AMPH: variants seen among roughly 807,000 people sequenced by gnomAD.
AMPH encodes amphiphysin (Stiff-Mann syndrome with breast cancer 128kD autoantigen).
In AMPH, 49 loss-of-function variants were observed where a neutral mutation model predicts 99.1. That is an observed-to-expected ratio of 0.49 (90% CI 0.39 to 0.63). The LOEUF (loss-of-function observed/expected upper bound fraction) is 0.63, where lower values mean the gene tolerates loss of function less well. AMPH is among the 20% of genes least tolerant of loss of function. The pLI is 0.00. For missense variants in AMPH, 759 were observed against 863.4 expected (o/e 0.88, Z 1.52); for synonymous variants, 314 against 317.3 (o/e 0.99, Z 0.11).
intron 1 of AMPH, among the ~76,000 whole-genome samples, chr7:38,536,688 A>G (rs550440652): frequency 6.6e-6 from 1 of 152,260 alleles, no homozygotes; most frequent in Admixed American, 6.5e-5. Flanking sequence ...AATATGAAAT[A>G]TGCTATTTTT....
intron 13 of AMPH, 173 bp from the exon 14 acceptor site, chr7:38,430,038 T>C: frequency 3.5e-6 from 2 of 566,822 alleles, no homozygotes; most frequent in Admixed American, 7.5e-5. Context: ...CCAAAATTGT[T>C]TAAGACCACC....
chr7:38,455,116 G>A (rs58110874), intron 11 of AMPH, among the ~76,000 whole-genome samples: 4,471 of 150,402 alleles, frequency 0.03, 192 homozygotes, highest in African/African-American at 0.1. Context: ...TTTTGCTCTC[G>A]TTGCCCAGGC....
intron 17 of AMPH, among the ~76,000 whole-genome samples, chr7:38,402,637 G>T (rs533791853): frequency 1.3e-5 from 2 of 152,198 alleles, no homozygotes; most frequent in Non-Finnish European, 2.9e-5. Flanking sequence ...TGTGAGAGTA[G>T]CAGCAGGCCC....
intron 11 of AMPH, among the ~76,000 whole-genome samples, chr7:38,441,779 C>CTG (rs58684771): frequency 3.0e-5 from 4 of 135,220 alleles, no homozygotes; most frequent in Non-Finnish European, 6.3e-5. Flanking sequence ...TGATATATAT[C>CTG]ATATATCTGT....
intron 17 of AMPH, among the ~76,000 whole-genome samples, chr7:38,398,197 A>AC (rs1376623405): frequency 7.9e-5 from 10 of 127,378 alleles, no homozygotes; most frequent in African/African-American, 2.4e-4. Context: ...AAAAAAAAAC[A>AC]AAAAAAAAAG....
At chr7:38,587,888 C>T (rs1199736448) in intron 1 of AMPH, among the ~76,000 whole-genome samples, 2 of 151,182 alleles carry the variant, frequency 1.3e-5, no homozygotes, top group Non-Finnish European at 2.9e-5. Context: ...CTTCAAAATG[C>T]TGAACTTTAA....
intron 1 of AMPH, among the ~76,000 whole-genome samples, chr7:38,567,640 G>C (rs746015684): frequency 1.3e-5 from 2 of 152,182 alleles, no homozygotes; most frequent in Admixed American, 1.3e-4. Context: ...GTACCTTTCT[G>C]CCCATGCAGA....
chr7:38,469,305 C>T (rs533763513), intron 7 of AMPH, among the ~76,000 whole-genome samples: 1 of 152,242 alleles, frequency 6.6e-6, no homozygotes, highest in African/African-American at 2.4e-5. Context: ...ATGTGGCATC[C>T]TCAGGACACT....
chr7:38,476,068 G>A (rs112878692), intron 6 of AMPH, among the ~76,000 whole-genome samples: 5 of 152,144 alleles, frequency 3.3e-5, no homozygotes, highest in African/African-American at 9.7e-5. Flanking sequence ...TATCCAGGAG[G>A]CCTCTCATGA....
intron 2 of AMPH, among the ~76,000 whole-genome samples, chr7:38,530,829 G>A (rs997814116): frequency 5.3e-5 from 8 of 152,148 alleles, no homozygotes; most frequent in South Asian, 2.1e-4. Flanking sequence ...AAAATAGAAC[G>A]GGGAAGAAAG....
intron 17 of AMPH, among the ~76,000 whole-genome samples, chr7:38,400,288 G>A (rs1784806561): frequency 6.6e-6 from 1 of 152,156 alleles, no homozygotes; most frequent in Non-Finnish European, 1.5e-5. Context: ...ATGTTGGCCA[G>A]GCTGGTCTTG....
In AMPH at chr7:38,612,242, A is replaced by C. The variant is rs117278643; in HGVS notation, c.69+19041T>G. Among the ~76,000 whole-genome samples the C allele has an allele frequency of 6.1e-3, 923 of 152,052 alleles. 11 individuals are homozygous for C. The highest frequency in any genetic ancestry group is 0.015 in the South Asian group (70 of 4,808). ...TAGGCATGTGCCACTACACCCGGCT[A>C]ATTCTGTATTTTTAGTACAGACGGG... On this transcript the variant is annotated intron_variant, in intron 1 of 20. Coordinates refer to ENST00000356264, the MANE Select transcript of AMPH (RefSeq NM_001635.4).
At chr7:38,573,199 C>T (rs540011441) in intron 1 of AMPH, among the ~76,000 whole-genome samples, 3 of 152,260 alleles carry the variant, frequency 2.0e-5, no homozygotes, top group Non-Finnish European at 2.9e-5. Context: ...TGGCACTGCT[C>T]GGGCTTCCCA....
chr7:38,422,323 T>G (rs1785607907), intron 16 of AMPH, 98 bp downstream of exon 16: 1 of 984,830 alleles, frequency 1.0e-6, no homozygotes, highest in South Asian at 1.5e-5. Context: ...GAAACCACAT[T>G]CTGGATATTC....
chr7:38,449,167 A>T (rs1388059398), intron 11 of AMPH, among the ~76,000 whole-genome samples: 1 of 152,212 alleles, frequency 6.6e-6, no homozygotes, highest in Non-Finnish European at 1.5e-5. Flanking sequence ...AACCTGAAGA[A>T]CTTTGCTAAT....
intron 14 of AMPH, chr7:38,429,207 T>C: frequency 7.8e-7 from 1 of 1,289,330 alleles, no homozygotes; most frequent in Non-Finnish European, 1.0e-6. Flanking sequence ...GTCATACAGC[T>C]GCTCCATCTC....
At chr7:38,512,408 G>A (rs1193932314) in intron 2 of AMPH, among the ~76,000 whole-genome samples, 5 of 152,188 alleles carry the variant, frequency 3.3e-5, no homozygotes, top group Admixed American at 1.3e-4. Flanking sequence ...CCCATTACCA[G>A]AATGGTACAG....
intron 2 of AMPH, among the ~76,000 whole-genome samples, chr7:38,518,891 C>A (rs1456971787): frequency 6.6e-6 from 1 of 152,154 alleles, no homozygotes; most frequent in Non-Finnish European, 1.5e-5. Context: ...ACATCCCTGC[C>A]AAAACTCATC....
chr7:38,518,421 C>T (rs1407343214), intron 2 of AMPH, among the ~76,000 whole-genome samples: 1 of 152,186 alleles, frequency 6.6e-6, no homozygotes, highest in East Asian at 1.9e-4. Context: ...CTAGCAAAGT[C>T]ACGGGGGCAG....
Sources: gnomAD v4.1 joint callset for allele counts (sites outside exome capture counted in the v4.1 genomes callset) on GRCh38, gnomAD v4.1.1 for gene constraint, MANE v1.5 for transcripts, NCBI Gene and HGNC (gene_info 2026-07-23, HGNC 2026-07-21) for gene names.